SDK1: variants seen among roughly 807,000 people sequenced by gnomAD.
The protein encoded by SDK1 is sidekick cell adhesion molecule 1.
Under a neutral mutation model 245.5 loss-of-function variants are expected in SDK1, and 157 were observed. The observed-to-expected ratio is 0.64, with a 90% confidence interval of 0.56 to 0.73. The LOEUF (loss-of-function observed/expected upper bound fraction) is 0.73, where lower values mean the gene tolerates loss of function less well. SDK1 is among the 30% of genes least tolerant of loss of function. The pLI is 0.00. For missense variants in SDK1, 3,583 were observed against 3,002.3 expected, an observed-to-expected ratio of 1.19 and a Z score of -4.52; for synonymous variants, 1,647 against 1,278.5, an observed-to-expected ratio of 1.29 and a Z score of -6.15.
At position 3,545,207 on chromosome 7, in the gene SDK1, A is replaced by G. The variant is rs147599033; in HGVS notation, c.299-73873A>G. On this transcript the variant is annotated intron_variant, in intron 1 of 44. Coordinates refer to ENST00000404826, the MANE Select transcript of SDK1 (RefSeq NM_152744.4). ...TGGGCTCATTTCCATACTGTGCCCA[A>G]TGAGAAAGAACTATGAGGAATGGGG... 1.1e-4 allele frequency among the ~76,000 whole-genome samples: 17 copies of G among 152,272 alleles called. No individual in the cohort carries two copies. The East Asian group carries it at 2.1e-3, about 19-fold the overall frequency.
rs180755490 is a variant in SDK1, at chr7:3,405,515, A to C, written c.298+103631A>C. On this transcript the variant is annotated intron_variant, in intron 1 of 44. Transcript: ENST00000404826. ...CTCTGTGCTCTCTCTAGCTCCCCCA[A>C]AATCTCTGCCTGTCTTTAGTTTCAT... Among the ~76,000 whole-genome samples, 275 of 152,236 alleles carry C rather than the reference A, an allele frequency of 1.8e-3. 1 individual carries two copies. The highest frequency in any genetic ancestry group is 6.4e-3 in the African/African-American group (264 of 41,544).
chr7:3,758,726 C>A (rs1780009683), intron 4 of SDK1, among the ~76,000 whole-genome samples: 1 of 152,146 alleles, frequency 6.6e-6, no homozygotes, highest in Admixed American at 6.5e-5. Context: ...ACCCTGGTGC[C>A]TTTTATGGGG....
intron 40 of SDK1, among the ~76,000 whole-genome samples, chr7:4,228,067 G>A (rs1785543512): frequency 6.6e-6 from 1 of 152,208 alleles, no homozygotes; most frequent in African/African-American, 2.4e-5. Flanking sequence ...AAGATGCATA[G>A]TTCATATTCT....
intron 1 of SDK1, among the ~76,000 whole-genome samples, chr7:3,373,047 T>C (rs1422022999): frequency 1.3e-5 from 2 of 152,252 alleles, no homozygotes; most frequent in Non-Finnish European, 2.9e-5. Context: ...ATATTAAGAA[T>C]TATTGCTTAG....
chr7:4,070,158 G>C (rs1371482495), intron 20 of SDK1, among the ~76,000 whole-genome samples: 1 of 152,242 alleles, frequency 6.6e-6, no homozygotes, highest in Non-Finnish European at 1.5e-5. Context: ...CTACACAGTA[G>C]TTGAAAGAAA....
chr7:3,346,749 A>ATG (rs199510102), intron 1 of SDK1, among the ~76,000 whole-genome samples: 6 of 118,928 alleles, frequency 5.0e-5, no homozygotes, highest in Admixed American at 1.0e-4. Flanking sequence ...ACGTATATAT[A>ATG]TGTGTGTGTG....
chr7:4,145,279 G>C (rs376640349), intron 28 of SDK1, among the ~76,000 whole-genome samples: 1 of 152,196 alleles, frequency 6.6e-6, no homozygotes, highest in East Asian at 1.9e-4. Context: ...AGTGGCCGCT[G>C]TGGAGCTGCT....
intron 4 of SDK1, among the ~76,000 whole-genome samples, chr7:3,787,307 A>G (rs1033409933): frequency 2.6e-5 from 4 of 152,166 alleles, no homozygotes; most frequent in African/African-American, 4.8e-5. Context: ...TTTTCTATAC[A>G]TAAGCATCTA....
At chr7:3,494,100 C>G (rs1283703007) in intron 1 of SDK1, among the ~76,000 whole-genome samples, 3 of 152,010 alleles carry the variant, frequency 2.0e-5, no homozygotes, top group Non-Finnish European at 4.4e-5. Context: ...CAGACATGTT[C>G]CAAGAACCTA....
At chr7:4,215,258 G>C (rs1784728937) in intron 38 of SDK1, among the ~76,000 whole-genome samples, 1 of 152,236 alleles carries the variant, frequency 6.6e-6, no homozygotes, top group Non-Finnish European at 1.5e-5. Context: ...GGCATCTGAT[G>C]AAGATTCCCA....
At chr7:3,977,218 G>C (rs377573915) in intron 13 of SDK1, among the ~76,000 whole-genome samples, 20 of 24,428 alleles carry the variant, frequency 8.2e-4, no homozygotes, top group East Asian at 1.6e-3. Context: ...GCCACGCAGA[G>C]GGTCCTCCAG....
At chr7:3,932,452 A>G (rs999060198) in intron 5 of SDK1, among the ~76,000 whole-genome samples, 19 of 152,238 alleles carry the variant, frequency 1.2e-4, no homozygotes, top group African/African-American at 4.3e-4. Flanking sequence ...TGGTTTAAAT[A>G]GATAACCTTG....
intron 1 of SDK1, among the ~76,000 whole-genome samples, chr7:3,489,806 T>C (rs1215509365): frequency 1.3e-5 from 2 of 152,242 alleles, no homozygotes; most frequent in African/African-American, 4.8e-5. Context: ...AAAGTATACA[T>C]GGTAAATGCA....
intron 1 of SDK1, among the ~76,000 whole-genome samples, chr7:3,590,164 G>C (rs1156939569): frequency 6.6e-6 from 1 of 152,204 alleles, no homozygotes. Context: ...GCCTCAGGCT[G>C]TGCTCCCAAA....
intron 4 of SDK1, among the ~76,000 whole-genome samples, chr7:3,680,515 A>G (rs888099258): frequency 2.6e-5 from 4 of 152,222 alleles, no homozygotes; most frequent in South Asian, 2.1e-4. Flanking sequence ...TGTTGTTCCA[A>G]TGACTATGCA....
At chr7:3,552,576 A>G (rs757051470) in intron 1 of SDK1, among the ~76,000 whole-genome samples, 24 of 152,276 alleles carry the variant, frequency 1.6e-4, no homozygotes, top group Admixed American at 3.3e-4. Context: ...ATTTTGCTGG[A>G]CCACGTTTTA....
rs540154617 is a variant in SDK1 at position 3,699,442 on chromosome 7, G to C, written c.713+57337G>C. On this transcript the variant is annotated intron_variant, in intron 4 of 44. Coordinates refer to ENST00000404826, the MANE Select transcript of SDK1 (RefSeq NM_152744.4). ...AAAGTCTCAGCAAAGAAATAGAAGA[G>C]ATAATAGAGTACTGAATGGAAATTT... Among the ~76,000 whole-genome samples, 11 of 152,218 alleles carry C rather than the reference G, an allele frequency of 7.2e-5. No homozygotes were observed. The South Asian group carries it at 1.0e-3, about 14-fold the overall frequency.
intron 4 of SDK1, among the ~76,000 whole-genome samples, chr7:3,703,863 C>G (rs1263212638): frequency 1.3e-5 from 2 of 152,016 alleles, no homozygotes; most frequent in African/African-American, 4.8e-5. Context: ...TGGCATCAAC[C>G]AATATTTTCT....
intron 4 of SDK1, among the ~76,000 whole-genome samples, chr7:3,805,039 A>G (rs1779207009): frequency 6.6e-6 from 1 of 152,208 alleles, no homozygotes; most frequent in South Asian, 2.1e-4. Context: ...TTACCACAAA[A>G]AGAAAAAAAA....
Sources: gnomAD v4.1 joint callset for allele counts (sites outside exome capture counted in the v4.1 genomes callset) on GRCh38, gnomAD v4.1.1 for gene constraint, MANE v1.5 for transcripts, NCBI Gene and HGNC (gene_info 2026-07-23, HGNC 2026-07-21) for gene names.